The following CITED2 variants were observed in gnomAD, a reference collection of about 807,000 sequenced individuals.
CITED2 encodes the protein Cbp/p300 interacting transactivator with ED-rich tail 2.
Under a neutral mutation model 11.8 loss-of-function variants are expected in CITED2, and 2 were observed. The ratio of observed to expected loss-of-function variants is 0.17; its 90% CI spans 0.07 to 0.54. The LOEUF (loss-of-function observed/expected upper bound fraction) is 0.54, where lower values mean the gene tolerates loss of function less well. CITED2 is among the 20% of genes least tolerant of loss of function. CITED2 has a pLI of 0.94. For synonymous variants in CITED2, 210 were observed against 153.0 expected, an observed-to-expected ratio of 1.37 and a Z score of -2.75; for missense variants, 437 against 390.2, an observed-to-expected ratio of 1.12 and a Z score of -1.01.
In CITED2 at chr6:139,373,353, T is replaced by TGCCGCTGCCGCC. The variant is rs772183093; in HGVS notation, c.580_591dup (p.Gly194_Gly197dup). The stretch of plus-strand genomic sequence containing the variant: ...GCCACGGAGGCGGGCATGTTGCCGC[T>TGCCGCTGCCGCC]GCCGCTGCCGCCGCCGCTGTTGCTG... On this transcript the variant is annotated inframe_insertion, in exon 2 of 2. Transcript: ENST00000367651. 1.1e-5 allele frequency: 18 copies of TGCCGCTGCCGCC among 1,592,652 alleles called. No individual in the cohort carries two copies. The highest frequency in any genetic ancestry group is 2.7e-5 in the African/African-American group (2 of 73,100).
rs1485456873 is a variant in CITED2, at chr6:139,373,463, C to G, written c.482G>C (p.Ser161Thr). 2 of 1,568,396 alleles carry G rather than the reference C, an allele frequency of 1.3e-6. No homozygotes were observed. Among genetic ancestry groups the G allele is most frequent in the Non-Finnish European group, 1.7e-6 (2 of 1,158,502 alleles). The change falls in exon 2 of 2, where the codon AGC (serine) becomes ACC (threonine). Residue 161 changes from serine to threonine, a missense_variant. Physicochemically the swap from Ser to Thr is moderately conservative, Grantham distance 58. Around this residue, in one of 3 missense-constraint regions of CITED2, gnomAD observed 396 missense variants for 325.2 expected, o/e 1.22. Coordinates refer to ENST00000367651, the MANE Select transcript of CITED2 (RefSeq NM_006079.5). ...QHFRDCNPKH[S>T]GGSSTPGGSG... is the part of the protein sequence containing the mutation. The stretch of plus-strand genomic sequence containing the variant: ...GCCGCCGGGGGTGCTGCTGCCGCCG[C>G]TGTGCTTGGGGTTGCAATCTCGGAA...
chr6:139,372,524 CG>C lies in CITED2; in HGVS notation c.*607del, dbSNP rs1044448599. 13 of 44,628 alleles carry C rather than the reference CG, an allele frequency of 2.9e-4. No homozygotes were observed. Among genetic ancestry groups the C allele is most frequent in the South Asian group, 1.5e-3 (3 of 2,050 alleles). The allele number at this position is 44,628 out of a possible 1,614,324, so 2.8% of individuals were successfully genotyped here. On this transcript the variant is annotated 3_prime_UTR_variant, in exon 2 of 2. Coordinates refer to ENST00000367651, the MANE Select transcript of CITED2 (RefSeq NM_006079.5). ...GTACATATGGGGGTGGGGGGGGCGG[CG>C]GGGGGGACAGCCAACTTGAAAGTGA...
In CITED2 at chr6:139,372,600, C is replaced by A. The variant is rs1301139152; in HGVS notation, c.*532G>T. The A allele has an allele frequency of 5.6e-6, 1 of 177,312 alleles. No individual in the cohort carries two copies. Among genetic ancestry groups the A allele is most frequent in the Non-Finnish European group, 1.2e-5 (1 of 81,412 alleles). The allele number at this position is 177,312 out of a possible 1,614,324, so 11.0% of individuals were successfully genotyped here. A position where few individuals can be genotyped will look rare whatever the true frequency, so the allele number is the denominator to read the frequency against. On this transcript the variant is annotated 3_prime_UTR_variant, in exon 2 of 2. Coordinates refer to ENST00000367651, the MANE Select transcript of CITED2 (RefSeq NM_006079.5). ...ACAGTTTGGCCCACATCTGTTTAAT[C>A]TTCCAGTTTAGCATATTTTAAAAAT...
rs564274825 is a variant in CITED2 at position 139,373,969 on chromosome 6, C to A, written c.-8-17G>T. On this transcript the variant is annotated splice_polypyrimidine_tract_variant and intron_variant, in intron 1 of 1. Coordinates refer to ENST00000367651, the MANE Select transcript of CITED2 (RefSeq NM_006079.5). ...TTTCCAGTCCTGGAAGTGAAAAGGG[C>A]AGATAATGAGACCCGCGCCACACGT... is the stretch of plus-strand genomic sequence containing the variant. 1 of 1,592,100 alleles carries A rather than the reference C, an allele frequency of 6.3e-7. No homozygotes were observed. The highest frequency in any genetic ancestry group is 8.5e-7 in the Non-Finnish European group (1 of 1,177,064).
In CITED2 at chr6:139,372,410, GCA is replaced by G. The variant is rs756271304; in HGVS notation, c.*720_*721del. 2 of 150,794 alleles carry G rather than the reference GCA, an allele frequency of 1.3e-5. No individual in the cohort carries two copies. The highest frequency in any genetic ancestry group is 2.5e-5 in the African/African-American group (1 of 40,260). 9.3% of individuals were successfully genotyped at this position (150,794 alleles called of 1,614,324 possible). The stretch of plus-strand genomic sequence containing the variant: ...TTTCATGTACTGAATATAACTATTA[GCA>G]CAGTGTCAAAAATGTTGAAGACAGA... On this transcript the variant is annotated 3_prime_UTR_variant, in exon 2 of 2. Transcript: ENST00000367651.
At chr6:139,374,026 C>T in intron 1 of CITED2, 74 bp from the exon 2 acceptor site, 2 of 1,533,470 alleles carry the variant, frequency 1.3e-6, no homozygotes, top group Non-Finnish European at 1.7e-6. Context: ...CACTTTTGCT[C>T]GCCTCTGCCC....
chr6:139,372,288 TTAAAA>T lies in CITED2; in HGVS notation c.*839_*843del, dbSNP rs1307649999. 1 of 152,550 alleles carries T rather than the reference TTAAAA, an allele frequency of 6.6e-6. No homozygotes were observed. The highest frequency in any genetic ancestry group is 6.5e-5 in the Admixed American group (1 of 15,274). 9.4% of individuals were successfully genotyped at this position (152,550 alleles called of 1,614,324 possible). On this transcript the variant is annotated 3_prime_UTR_variant, in exon 2 of 2. Coordinates refer to ENST00000367651, the MANE Select transcript of CITED2 (RefSeq NM_006079.5). ...TTAACTTTTTATTGACATTGGCAAA[TTAAAA>T]TAGAATAAATTAACAAGTATTTTTT...
Position 139,372,685 on chromosome 6 carries a change from T to C in CITED2, c.*447A>G, listed in dbSNP as rs1474149542. 2 of 227,524 alleles carry C rather than the reference T, an allele frequency of 8.8e-6. No individual in the cohort carries two copies. Among genetic ancestry groups the C allele is most frequent in the Admixed American group, 5.2e-5 (1 of 19,334 alleles). The allele number at this position is 227,524 out of a possible 1,614,324, so 14.1% of individuals were successfully genotyped here. ...AGCGAGATGGCAGTTTGTGCAGTAA[T>C]ATCTGCCCTTCGAAGTTCATGCAAC... is the stretch of plus-strand genomic sequence containing the variant. On this transcript the variant is annotated 3_prime_UTR_variant, in exon 2 of 2. Coordinates refer to ENST00000367651, the MANE Select transcript of CITED2 (RefSeq NM_006079.5).
In CITED2 at chr6:139,373,562, G is replaced by C; in HGVS notation, c.383C>G (p.Pro128Arg). 2 of 1,614,142 alleles carry C rather than the reference G, an allele frequency of 1.2e-6. No homozygotes were observed. Among genetic ancestry groups the C allele is most frequent in the Non-Finnish European group, 1.7e-6 (2 of 1,180,000 alleles). ...CGGCATGTAGTGGTTGTGGGGGTAGGGGTGATGGTTGAAATACTGGTTGTT... is the reference window on the plus strand; with the variant it reads ...CGGCATGTAGTGGTTGTGGGGGTAGCGGTGATGGTTGAAATACTGGTTGTT... ...KLNNQYFNHH[P>R]YPHNHYMPDL... The change falls in exon 2 of 2, where the codon CCC becomes CGC. Residue 128 changes from proline (P) to arginine (R), a missense_variant. Physicochemically the swap from Pro to Arg is moderately radical, Grantham distance 103. Around this residue, in one of 3 missense-constraint regions of CITED2, gnomAD observed 396 missense variants for 325.2 expected, o/e 1.22. Coordinates refer to ENST00000367651, the MANE Select transcript of CITED2 (RefSeq NM_006079.5).
chr6:139,373,785 C>T lies in CITED2; in HGVS notation c.160G>A (p.Glu54Lys). 6.2e-7 allele frequency: 1 copy of T among 1,610,492 alleles called. No individual in the cohort carries two copies. The highest frequency in any genetic ancestry group is 8.5e-7 in the Non-Finnish European group (1 of 1,179,968). ...TTGCCCGCGCCGTAGTGTATGTGCT[C>T]GCCCATTAGGGCGTTGAAGGCGTGC... ...PQHAFNALMGEHIHYGAGNMN... is the reference protein window; with the variant it reads ...PQHAFNALMGKHIHYGAGNMN... The change falls in exon 2 of 2, where the codon GAG (glutamate) becomes AAG (lysine). Residue 54 changes from glutamate to lysine, a missense_variant. Coordinates refer to ENST00000367651, the MANE Select transcript of CITED2 (RefSeq NM_006079.5).
chr6:139,373,425 T>C lies in CITED2; in HGVS notation c.520A>G (p.Ser174Gly). 1.3e-6 allele frequency: 2 copies of C among 1,521,290 alleles called. No homozygotes were observed. Among genetic ancestry groups the C allele is most frequent in the Non-Finnish European group, 1.8e-6 (2 of 1,139,930 alleles). 94.2% of individuals were successfully genotyped at this position (1,521,290 alleles called of 1,614,324 possible). ...SSTPGGSGGS[S>G]TPGGSGSSSG... is the part of the protein sequence containing the mutation. ...CTGCTGCCAGAGCCGCCGGGGGTGC[T>C]GCTGCCGCCCGAGCCGCCGGGGGTG... Residue 174 changes from serine to glycine, a missense_variant, in exon 2 of 2, where the codon AGC becomes GGC. Physicochemically the swap from Ser to Gly is moderately conservative, Grantham distance 56. This residue lies in a region of CITED2 where 396 missense variants were observed against 325.2 expected (regional missense o/e 1.22). Transcript: ENST00000367651.
Position 139,373,699 on chromosome 6 carries a change from GT to G in CITED2, c.245del (p.His82ProfsTer65). 6.2e-7 allele frequency: 1 copy of G among 1,610,772 alleles called. No individual in the cohort carries two copies. The highest frequency in any genetic ancestry group is 8.5e-7 in the Non-Finnish European group (1 of 1,179,750). ...AMGPGTVNGG[H>X]PPSALAPAAR... is the part of the protein sequence containing the mutation. Reference sequence around the variant, plus strand: ...CCGCGGGGGCCAGCGCGCTCGGGGGGTGCCCTCCGTTCACAGTCCCCGGCCC... The same window carrying G: ...CCGCGGGGGCCAGCGCGCTCGGGGGGGCCCTCCGTTCACAGTCCCCGGCCC... On this transcript the variant is annotated frameshift_variant, in exon 2 of 2. Coordinates refer to ENST00000367651, the MANE Select transcript of CITED2 (RefSeq NM_006079.5). LOFTEE classifies it high-confidence loss of function.
In CITED2 at chr6:139,373,738, G is replaced by C; in HGVS notation, c.207C>G (p.Ile69Met). The C allele has an allele frequency of 2.5e-6, 4 of 1,610,980 alleles. No homozygotes were observed. Among genetic ancestry groups the C allele is most frequent in the Non-Finnish European group, 3.4e-6 (4 of 1,179,928 alleles). The change falls in exon 2 of 2, where the codon ATC (isoleucine) becomes ATG (methionine). Residue 69 changes from isoleucine to methionine, a missense_variant. Physicochemically the swap from Ile to Met is conservative, Grantham distance 10. Around this residue, in one of 3 missense-constraint regions of CITED2, gnomAD observed 396 missense variants for 325.2 expected, o/e 1.22. Coordinates refer to ENST00000367651, the MANE Select transcript of CITED2 (RefSeq NM_006079.5). ...CAGTCCCCGGCCCCATCGCATGCCT[G>C]ATGCCGCTCGTGGCATTCATGTTGC... The part of the protein sequence containing the change: ...GAGNMNATSG[I>M]RHAMGPGTVN...
In CITED2 at chr6:139,372,283, G is replaced by A. The variant is rs1337332063; in HGVS notation, c.*849C>T. The A allele has an allele frequency of 6.6e-6, 1 of 152,460 alleles. No homozygotes were observed. Among genetic ancestry groups the A allele is most frequent in the Non-Finnish European group, 1.5e-5 (1 of 68,024 alleles). The allele number at this position is 152,460 out of a possible 1,614,324, so 9.4% of individuals were successfully genotyped here. ...ATTTCTTAACTTTTTATTGACATTG[G>A]CAAATTAAAATAGAATAAATTAACA... On this transcript the variant is annotated 3_prime_UTR_variant, in exon 2 of 2. Coordinates refer to ENST00000367651, the MANE Select transcript of CITED2 (RefSeq NM_006079.5).
Position 139,372,959 on chromosome 6 carries a change from T to C in CITED2, c.*173A>G, listed in dbSNP as rs898258790. 63 of 687,224 alleles carry C rather than the reference T, an allele frequency of 9.2e-5. 1 individual carries two copies. The South Asian group carries it at 1.1e-3, about 12-fold the overall frequency. The allele number at this position is 687,224 out of a possible 1,614,324, so 42.6% of individuals were successfully genotyped here. A position where few individuals can be genotyped will look rare whatever the true frequency, so the allele number is the denominator to read the frequency against. The stretch of plus-strand genomic sequence containing the variant: ...ACGAAACAAAAACAGGAAAAAAAAG[T>C]GGCAGCAATTTTTTTTAAAACCAAT... On this transcript the variant is annotated 3_prime_UTR_variant, in exon 2 of 2. Transcript: ENST00000367651.
In CITED2 at chr6:139,372,280, T is replaced by C. The variant is rs767668624; in HGVS notation, c.*852A>G. The C allele has an allele frequency of 6.5e-5, 10 of 152,716 alleles. No individual in the cohort carries two copies. Among genetic ancestry groups the C allele is most frequent in the Middle Eastern group, 6.8e-3 (2 of 294 alleles). 9.5% of individuals were successfully genotyped at this position (152,716 alleles called of 1,614,324 possible). ...GTTATTTCTTAACTTTTTATTGACA[T>C]TGGCAAATTAAAATAGAATAAATTA... On this transcript the variant is annotated 3_prime_UTR_variant, in exon 2 of 2. Coordinates refer to ENST00000367651, the MANE Select transcript of CITED2 (RefSeq NM_006079.5).
rs1297207252 is a variant in CITED2, at chr6:139,373,340, G to C, written c.605C>G (p.Pro202Arg). 6.2e-7 allele frequency: 1 copy of C among 1,601,652 alleles called. No homozygotes were observed. The highest frequency in any genetic ancestry group is 8.5e-7 in the Non-Finnish European group (1 of 1,175,182). ...AGCGGGGACGTGGGCCACGGAGGCGGGCATGTTGCCGCTGCCGCTGCCGCC... is the reference window on the plus strand; with the variant it reads ...AGCGGGGACGTGGGCCACGGAGGCGCGCATGTTGCCGCTGCCGCTGCCGCC... ...SGGGSGSGNMPASVAHVPAAM... is the reference protein window; with the variant it reads ...SGGGSGSGNMRASVAHVPAAM... The change falls in exon 2 of 2, where the codon CCC becomes CGC. Residue 202 changes from proline to arginine, a missense_variant. Transcript: ENST00000367651.
In CITED2 at chr6:139,372,473, C is replaced by G. The variant is rs757504878; in HGVS notation, c.*659G>C. 8 of 144,058 alleles carry G rather than the reference C, an allele frequency of 5.6e-5. No individual in the cohort carries two copies. The South Asian group carries it at 1.7e-3, about 30-fold the overall frequency. The allele number at this position is 144,058 out of a possible 1,614,324, so 8.9% of individuals were successfully genotyped here. A position where few individuals can be genotyped will look rare whatever the true frequency, so the allele number is the denominator to read the frequency against. ...AAATCTGTGAAATGTTTGCCACTGA[C>G]GACATTCCACACCCTATTATCATCT... On this transcript the variant is annotated 3_prime_UTR_variant, in exon 2 of 2. Coordinates refer to ENST00000367651, the MANE Select transcript of CITED2 (RefSeq NM_006079.5).
rs1176150698 is a variant in CITED2, at chr6:139,373,865, C to A, written c.80G>T (p.Arg27Leu). Residue 27 changes from arginine (R) to leucine (L), a missense_variant, in exon 2 of 2, where the codon CGC (arginine) becomes CTC (leucine). By Grantham distance (102) the Arg-to-Leu change is moderately radical. Transcript: ENST00000367651. ...TNGLHHHPAH[R>L]MGMGQFPSPH... ...GCTCGGGAACTGCCCCATGCCCATG[C>A]GGTGGGCAGGGTGATGGTGCAGCCC... The A allele has an allele frequency of 6.2e-7, 1 of 1,603,208 alleles. No individual in the cohort carries two copies. Among genetic ancestry groups the A allele is most frequent in the Non-Finnish European group, 8.5e-7 (1 of 1,179,942 alleles).
Sources: gnomAD v4.1 joint callset for allele counts on GRCh38, gnomAD v4.1.1 for gene constraint, gnomAD v4.1.1 regional missense constraint, MANE v1.5 for transcripts, NCBI Gene and HGNC (gene_info 2026-07-23, HGNC 2026-07-21) for gene names.